Variants in RIMS1 observed in about 807,000 individuals in gnomAD.
RIMS1 encodes the protein regulating synaptic membrane exocytosis protein 1.
In RIMS1, 83 loss-of-function variants were observed where a neutral mutation model predicts 214.1. The observed-to-expected ratio is 0.39, with a 90% CI of 0.32 to 0.47. The LOEUF is 0.47. RIMS1 is among the 20% of genes least tolerant of loss of function. The pLI is 0.99. For missense variants in RIMS1, 2,050 were observed against 2,161.8 expected (o/e 0.95, Z 1.03); for synonymous variants, 793 against 786.8 (o/e 1.01, Z -0.13).
intron 6 of RIMS1, among the ~76,000 whole-genome samples, chr6:72,183,364 C>T (rs890591665): frequency 6.6e-6 from 1 of 152,092 alleles, no homozygotes; most frequent in African/African-American, 2.4e-5. Flanking sequence ...CAAACTTAGG[C>T]TACAAAAGTT....
chr6:71,993,291 T>C (rs1234986032), intron 2 of RIMS1, among the ~76,000 whole-genome samples: 1 of 152,248 alleles, frequency 6.6e-6, no homozygotes, highest in Non-Finnish European at 1.5e-5. Flanking sequence ...AAGGCCCCTC[T>C]GTTCCGTGAC....
intron 4 of RIMS1, among the ~76,000 whole-genome samples, chr6:72,138,682 G>A (rs552598285): frequency 6.6e-6 from 1 of 152,106 alleles, no homozygotes; most frequent in Non-Finnish European, 1.5e-5. Context: ...AATATAAAAA[G>A]TAAATTTGCA....
chr6:72,226,083 A>G (rs927409316), intron 6 of RIMS1, among the ~76,000 whole-genome samples: 2 of 152,128 alleles, frequency 1.3e-5, no homozygotes, highest in Non-Finnish European at 1.5e-5. Context: ...CTTGAAGACC[A>G]TGACCACATT....
intron 2 of RIMS1, among the ~76,000 whole-genome samples, chr6:72,013,991 T>C (rs911060379): frequency 6.6e-6 from 1 of 152,218 alleles, no homozygotes. Context: ...TATATGGTCT[T>C]TTATGACTGA....
chr6:72,012,168 G>C (rs992068748), intron 2 of RIMS1, among the ~76,000 whole-genome samples: 1 of 152,080 alleles, frequency 6.6e-6, no homozygotes, highest in South Asian at 2.1e-4. Flanking sequence ...TGATGAGTTC[G>C]TGTCCTTTGT....
chr6:72,372,976 C>A (rs2098266139), intron 29 of RIMS1, among the ~76,000 whole-genome samples: 1 of 152,202 alleles, frequency 6.6e-6, no homozygotes, highest in South Asian at 2.1e-4. Flanking sequence ...CTTTTTTAAA[C>A]AAAATTAAAA....
intron 2 of RIMS1, among the ~76,000 whole-genome samples, chr6:72,048,504 T>C (rs1001601250): frequency 5.3e-5 from 8 of 152,230 alleles, no homozygotes; most frequent in Non-Finnish European, 8.8e-5. Flanking sequence ...TCTCAAGAGT[T>C]GTGTGATAAC....
intron 24 of RIMS1, among the ~76,000 whole-genome samples, chr6:72,287,106 C>G (rs2092467643): frequency 6.6e-6 from 1 of 152,156 alleles, no homozygotes; most frequent in Non-Finnish European, 1.5e-5. Context: ...GCATTCCATT[C>G]TAGTGACTTT....
At chr6:71,945,496 G>T (rs1398127142) in intron 1 of RIMS1, among the ~76,000 whole-genome samples, 1 of 152,048 alleles carries the variant, frequency 6.6e-6, no homozygotes. Flanking sequence ...AGCCTCCCAG[G>T]CCTCAGAGTA....
chr6:72,195,896 C>T (rs557967864), intron 6 of RIMS1, among the ~76,000 whole-genome samples: 72 of 152,096 alleles, frequency 4.7e-4, no homozygotes, highest in African/African-American at 9.6e-4. Context: ...TCTTACATGA[C>T]GGCAGGTGAG....
At chr6:72,103,041 C>A (rs1305087354) in intron 4 of RIMS1, among the ~76,000 whole-genome samples, 1 of 151,946 alleles carries the variant, frequency 6.6e-6, no homozygotes, top group Non-Finnish European at 1.5e-5. Context: ...GACAAAAGTT[C>A]TTTTGAAATT....
At chr6:72,175,672 C>T (rs2047606167) in intron 4 of RIMS1, among the ~76,000 whole-genome samples, 1 of 117,836 alleles carries the variant, frequency 8.5e-6, no homozygotes, top group Non-Finnish European at 1.7e-5. Context: ...AAACTCCATT[C>T]CCCCACCAAA....
intron 2 of RIMS1, among the ~76,000 whole-genome samples, chr6:72,073,977 C>T (rs1310033609): frequency 6.6e-6 from 1 of 152,118 alleles, no homozygotes; most frequent in Non-Finnish European, 1.5e-5. Context: ...ATTTTGATAG[C>T]ATTTTAAACA....
At chr6:72,354,321 A>G (rs1762877036) in intron 29 of RIMS1, among the ~76,000 whole-genome samples, 1 of 152,236 alleles carries the variant, frequency 6.6e-6, no homozygotes, top group Non-Finnish European at 1.5e-5. Context: ...CTCACTATGG[A>G]AAATTCTAGC....
At chr6:71,974,720 A>G (rs1249224301) in intron 2 of RIMS1, among the ~76,000 whole-genome samples, 2 of 152,198 alleles carry the variant, frequency 1.3e-5, no homozygotes, top group Admixed American at 6.5e-5. Flanking sequence ...TAAAATCAAG[A>G]AGAGAGCTAA....
intron 1 of RIMS1, among the ~76,000 whole-genome samples, chr6:71,959,269 A>C (rs1792198979): frequency 6.6e-6 from 1 of 152,160 alleles, no homozygotes; most frequent in Non-Finnish European, 1.5e-5. Context: ...AATTGAAAGT[A>C]GTGCCTGAAA....
chr6:72,038,118 A>AAAAAAAAAAATAT (rs1820399900), intron 2 of RIMS1, among the ~76,000 whole-genome samples: 1 of 13,418 alleles, frequency 7.5e-5, no homozygotes, highest in Non-Finnish European at 1.2e-4. Context: ...AAAAAAAAAA[A>AAAAAAAAAAATAT]ATATATATAT....
intron 4 of RIMS1, among the ~76,000 whole-genome samples, chr6:72,124,900 A>C (rs915669807): frequency 6.6e-6 from 1 of 152,064 alleles, no homozygotes; most frequent in Admixed American, 6.6e-5. Context: ...CAAGGTTTTT[A>C]GCTTCCTTGC....
chr6:72,136,108 C>T (rs1234017132), intron 4 of RIMS1, among the ~76,000 whole-genome samples: 1 of 152,092 alleles, frequency 6.6e-6, no homozygotes, highest in East Asian at 1.9e-4. Context: ...TGGTAAATAA[C>T]AGACAGAACT....
Sources: allele counts gnomAD v4.1 joint callset (sites outside exome capture counted in the v4.1 genomes callset), GRCh38; gene constraint gnomAD v4.1.1; transcripts MANE v1.5; gene names NCBI Gene and HGNC (gene_info 2026-07-23, HGNC 2026-07-21).